Variants in RFC3 observed in about 807,000 individuals in gnomAD.
RFC3 encodes the protein A1 38 kDa subunit.
A neutral mutation model predicts 45.1 loss-of-function variants in RFC3; 41 were observed. The ratio of observed to expected loss-of-function variants is 0.91; its 90% CI spans 0.71 to 1.18. The LOEUF is 1.18. RFC3 is among the 50% of genes most tolerant of loss of function. RFC3 has a pLI of 0.00. For missense variants in RFC3, 423 were observed against 428.1 expected, an observed-to-expected ratio of 0.99 and a Z score of 0.10; for synonymous variants, 149 against 144.0, an observed-to-expected ratio of 1.03 and a Z score of -0.25.
intron 8 of RFC3, among the ~76,000 whole-genome samples, chr13:33,874,269 A>G (rs1361165720): frequency 2.0e-5 from 3 of 152,196 alleles, no homozygotes; most frequent in Middle Eastern, 3.2e-3. Context: ...TGATGGGGAC[A>G]CTGGCCCAGC....
intron 8 of RFC3, among the ~76,000 whole-genome samples, chr13:33,958,992 TA>T (rs902359452): frequency 2.0e-4 from 31 of 152,336 alleles, no homozygotes; most frequent in African/African-American, 6.5e-4. Context: ...ACTATTATTT[TA>T]AAAAATTCTG....
intron 8 of RFC3, among the ~76,000 whole-genome samples, chr13:33,866,195 A>G (rs754507780): frequency 5.3e-5 from 8 of 152,242 alleles, no homozygotes; most frequent in East Asian, 1.9e-4. Context: ...GTCTTCACCA[A>G]CGCTTTCACA....
At chr13:33,876,587 A>G (rs919794905) in intron 8 of RFC3, among the ~76,000 whole-genome samples, 1 of 152,334 alleles carries the variant, frequency 6.6e-6, no homozygotes, top group African/African-American at 2.4e-5. Context: ...TAGTTTATTT[A>G]AATTAATATA....
At position 33,907,185 on chromosome 13, in the gene RFC3, G is replaced by A. The variant is rs142638034; in HGVS notation, c.880-58902G>A. Among the ~76,000 whole-genome samples, 369 of 152,074 alleles carry A rather than the reference G, an allele frequency of 2.4e-3. 1 individual carries two copies. Among genetic ancestry groups the A allele is most frequent in the Middle Eastern group, 3.4e-3 (1 of 294 alleles). ...AGTGCTAACCATTTACTGAGTTCTA[G>A]TTCTAATCATTTGTGGGGTAGAGAC... On this transcript the variant is annotated intron_variant, in intron 8 of 8. Coordinates refer to the RFC3 transcript ENST00000434425.
chr13:33,836,342 A>T lies in RFC3; in HGVS notation c.*47A>T. 6.3e-7 allele frequency: 1 copy of T among 1,591,618 alleles called. No individual in the cohort carries two copies. Among genetic ancestry groups the T allele is most frequent in the South Asian group, 1.1e-5 (1 of 89,344 alleles). On this transcript the variant is annotated 3_prime_UTR_variant, in exon 9 of 9. Transcript: ENST00000380071. ...AAGATTTCTCAGTATCAGTATTTAC[A>T]TACAGCTTATATTAAAAGAGCTGTG...
intron 8 of RFC3, 106 bp from the exon 9 acceptor site, chr13:33,835,998 T>C: frequency 8.5e-7 from 1 of 1,175,542 alleles, no homozygotes; most frequent in East Asian, 2.6e-5. Flanking sequence ...ATCTCACACA[T>C]ATAAAGAGAG....
At chr13:33,960,376 C>T (rs536203974) in intron 8 of RFC3, among the ~76,000 whole-genome samples, 8 of 152,280 alleles carry the variant, frequency 5.3e-5, no homozygotes, top group East Asian at 1.9e-4. Flanking sequence ...AAAGGATAAA[C>T]GAAGAGTCTT....
intron 8 of RFC3, among the ~76,000 whole-genome samples, chr13:33,944,247 A>G (rs971734191): frequency 6.6e-6 from 1 of 152,206 alleles, no homozygotes. Flanking sequence ...TTTCTTGTGC[A>G]ATTAAAAGTG....
chr13:33,959,146 G>T (rs2083040640), intron 8 of RFC3, among the ~76,000 whole-genome samples: 1 of 152,148 alleles, frequency 6.6e-6, no homozygotes. Context: ...ATCTGCTTCA[G>T]TGACTTTATT....
At chr13:33,880,897 A>G (rs1167772503) in intron 8 of RFC3, among the ~76,000 whole-genome samples, 1 of 152,082 alleles carries the variant, frequency 6.6e-6, no homozygotes. Context: ...CTCTACTAAA[A>G]ATACAAAAGT....
intron 8 of RFC3, among the ~76,000 whole-genome samples, chr13:33,853,989 A>G (rs1472873612): frequency 6.6e-6 from 1 of 152,210 alleles, no homozygotes; most frequent in Non-Finnish European, 1.5e-5. Flanking sequence ...AGATACAAGC[A>G]TTGCATTTAC....
intron 8 of RFC3, among the ~76,000 whole-genome samples, chr13:33,886,551 AAAAAG>A (rs1179953096): frequency 6.6e-6 from 1 of 151,582 alleles, no homozygotes; most frequent in African/African-American, 2.4e-5. Context: ...GAAAAAAAAA[AAAAAG>A]AAAAAAAACC....
intron 8 of RFC3, among the ~76,000 whole-genome samples, chr13:33,879,831 T>G (rs1046548449): frequency 1.3e-5 from 2 of 152,192 alleles, no homozygotes; most frequent in Non-Finnish European, 2.9e-5. Flanking sequence ...GTTCTGTTCC[T>G]TTTTGGAGAC....
At chr13:33,955,185 TGAA>T (rs1048621339) in intron 8 of RFC3, among the ~76,000 whole-genome samples, 2 of 151,954 alleles carry the variant, frequency 1.3e-5, no homozygotes, top group Non-Finnish European at 1.5e-5. Flanking sequence ...TGAACAAGAG[TGAA>T]GAAGGAGAAA....
At chr13:33,864,549 AGAGT>A (rs1170342729) in intron 8 of RFC3, among the ~76,000 whole-genome samples, 1 of 152,076 alleles carries the variant, frequency 6.6e-6, no homozygotes, top group African/African-American at 2.4e-5. Context: ...GGTGGATATG[AGAGT>A]GAGTGGAAAC....
At chr13:33,925,699 A>G (rs576226307) in intron 8 of RFC3, among the ~76,000 whole-genome samples, 1 of 151,676 alleles carries the variant, frequency 6.6e-6, no homozygotes, top group South Asian at 2.1e-4. Context: ...ATACACACAC[A>G]CACACACACA....
At chr13:33,826,854 A>G (rs1473805796) in intron 4 of RFC3, among the ~76,000 whole-genome samples, 1 of 152,038 alleles carries the variant, frequency 6.6e-6, no homozygotes, top group Non-Finnish European at 1.5e-5. Context: ...CAACCCTCCA[A>G]TAGTGTGGTT....
At position 33,924,807 on chromosome 13, in the gene RFC3, A is replaced by T. The variant is rs531649494; in HGVS notation, c.880-41280A>T. On this transcript the variant is annotated intron_variant, in intron 8 of 8. Coordinates refer to the RFC3 transcript ENST00000434425. The stretch of plus-strand genomic sequence containing the variant: ...GTTCAGAGAGTACAAACTTTTATTT[A>T]TAAGTTTTGTAGATCTAATATATAG... Among the ~76,000 whole-genome samples the T allele has an allele frequency of 1.9e-3, 285 of 150,122 alleles. 1 individual carries two copies. The highest frequency in any genetic ancestry group is 6.6e-3 in the African/African-American group (271 of 41,076).
At chr13:33,924,204 G>A (rs550974938) in intron 8 of RFC3, among the ~76,000 whole-genome samples, 1 of 152,200 alleles carries the variant, frequency 6.6e-6, no homozygotes, top group East Asian at 1.9e-4. Flanking sequence ...GATGTATTAG[G>A]TGGAAGCATA....
Sources: gnomAD v4.1 joint callset for allele counts (sites outside exome capture counted in the v4.1 genomes callset) on GRCh38, gnomAD v4.1.1 for gene constraint, MANE v1.5 for transcripts, NCBI Gene and HGNC (gene_info 2026-07-23, HGNC 2026-07-21) for gene names.